Variants in GALNT10 observed in about 807,000 individuals in gnomAD.
The protein encoded by GALNT10 is polypeptide N-acetylgalactosaminyltransferase 10.
A neutral mutation model predicts 75.0 loss-of-function variants in GALNT10; 41 were observed. That is an observed-to-expected ratio of 0.55 (90% CI 0.43 to 0.71). GALNT10 has a LOEUF of 0.71. Ranked by LOEUF, GALNT10 falls within the 30% of genes least tolerant of loss-of-function variation. The probability of loss-of-function intolerance (pLI) is 0.00; values close to 1 mark genes in which losing one functional copy is unlikely to be tolerated. For synonymous variants in GALNT10, 302 were observed against 313.0 expected (o/e 0.96, Z 0.37); for missense variants, 727 against 818.5 (o/e 0.89, Z 1.36).
chr5:154,279,353 G>C lies in GALNT10; in HGVS notation c.160-15463G>C, dbSNP rs34530015. On this transcript the variant is annotated intron_variant, in intron 1 of 11. Coordinates refer to ENST00000297107, the MANE Select transcript of GALNT10 (RefSeq NM_198321.4). ...AGCTTTGCTCTTGTTGCCCAGGCTG[G>C]AGTACAATGGCACGATCTCGGCTCA... Among the ~76,000 whole-genome samples the C allele has an allele frequency of 1.1e-4, 16 of 148,928 alleles. 1 individual carries two copies. Among genetic ancestry groups the C allele is most frequent in the Admixed American group, 8.6e-4 (13 of 15,030 alleles).
At chr5:154,255,904 T>C (rs1041157114) in intron 1 of GALNT10, among the ~76,000 whole-genome samples, 1 of 147,910 alleles carries the variant, frequency 6.8e-6, no homozygotes, top group Non-Finnish European at 1.5e-5. Context: ...TCTCTTCTTC[T>C]AAATAACAGT....
chr5:154,313,834 A>G (rs140402182), intron 3 of GALNT10, among the ~76,000 whole-genome samples: 48 of 152,218 alleles, frequency 3.2e-4, no homozygotes, highest in African/African-American at 1.2e-3. Context: ...CTGCAGCTCG[A>G]GGGAGGATGG....
Position 154,376,315 on chromosome 5 carries a change from T to C in GALNT10, c.607T>C (p.Phe203Leu). ...KKPLEDYMALFPSVRILRTKK... is the reference protein window; with the variant it reads ...KKPLEDYMALLPSVRILRTKK... ...GCCTCTTGAAGACTACATGGCCCTTTTCCCCAGTGTGAGGATTCTTCGAAC... is the reference window on the plus strand; with the variant it reads ...GCCTCTTGAAGACTACATGGCCCTTCTCCCCAGTGTGAGGATTCTTCGAAC... The change falls in exon 5 of 12, where the codon TTC becomes CTC. Residue 203 changes from phenylalanine to leucine, a missense_variant. Phe to Leu is a conservative substitution (Grantham distance 22). Transcript: ENST00000297107. The surrounding 1 kb of genome is among the most constrained non-coding windows in gnomAD (Gnocchi z 4.1). 6.2e-7 allele frequency: 1 copy of C among 1,612,974 alleles called. No homozygotes were observed.
Position 154,416,055 on chromosome 5 carries a change from C to T in GALNT10, c.1653+123C>T. On this transcript the variant is annotated intron_variant, in intron 11 of 11. Transcript: ENST00000297107. The surrounding 1 kb of genome is among the most constrained non-coding windows in gnomAD (Gnocchi z 4.5). ...TCATTTGTGCCACAAACCTACCATG[C>T]CGGATTTTGTAGTCATTCAAGAGTA... 5 of 879,712 alleles carry T rather than the reference C, an allele frequency of 5.7e-6. No individual in the cohort carries two copies. Among genetic ancestry groups the T allele is most frequent in the Non-Finnish European group, 8.7e-6 (5 of 575,686 alleles). The allele number at this position is 879,712 out of a possible 1,614,324, so 54.5% of individuals were successfully genotyped here. A position where few individuals can be genotyped will look rare whatever the true frequency, so the allele number is the denominator to read the frequency against.
At chr5:154,413,096 T>C in intron 10 of GALNT10, 91 bp downstream of exon 10, 2 of 786,838 alleles carry the variant, frequency 2.5e-6, no homozygotes, top group South Asian at 2.9e-5. Flanking sequence ...GGGAGAGGCA[T>C]GGGTCAGTGA....
rs754240894 is a variant in GALNT10 at position 154,412,971 on chromosome 5, G to A, written c.1469G>A (p.Arg490Gln). ...CCACTAAGGCTAGAGGGCTGCGTCC[G>A]AGGCCGTGGGGAGGCTGCCTGGAAC... ...GSPLRLEGCV[R>Q]GRGEAAWNNM... The change falls in exon 10 of 12, where the codon CGA becomes CAA. Residue 490 changes from arginine (R) to glutamine (Q), a missense_variant. Coordinates refer to ENST00000297107, the MANE Select transcript of GALNT10 (RefSeq NM_198321.4). The surrounding 1 kb of genome is among the most constrained non-coding windows in gnomAD (Gnocchi z 4.2). 87 of 1,612,756 alleles carry A rather than the reference G, an allele frequency of 5.4e-5. No individual in the cohort carries two copies. Among genetic ancestry groups the A allele is most frequent in the Admixed American group, 4.2e-4 (25 of 59,966 alleles).
intron 1 of GALNT10, among the ~76,000 whole-genome samples, chr5:154,254,990 G>C (rs549643586): frequency 1.3e-5 from 2 of 152,008 alleles, no homozygotes; most frequent in Admixed American, 6.6e-5. Flanking sequence ...GAAGGGCATC[G>C]TTGTTGTTGT....
chr5:154,394,255 C>A (rs1349078563), intron 7 of GALNT10, among the ~76,000 whole-genome samples: 1 of 148,060 alleles, frequency 6.8e-6, no homozygotes, highest in East Asian at 2.1e-4. Flanking sequence ...CTGGGGTTCG[C>A]TTTGTGTGAT....
intron 1 of GALNT10, among the ~76,000 whole-genome samples, chr5:154,251,274 T>C (rs539934824): frequency 6.6e-6 from 1 of 152,260 alleles, no homozygotes; most frequent in Admixed American, 6.5e-5. Flanking sequence ...AATGGACTTA[T>C]CACCCGAATG....
chr5:154,398,695 T>C (rs1397626729), intron 7 of GALNT10, among the ~76,000 whole-genome samples: 1 of 152,166 alleles, frequency 6.6e-6, no homozygotes, highest in African/African-American at 2.4e-5. Context: ...AAGAGCACTT[T>C]TGCACAGAAT....
At chr5:154,244,665 G>A (rs1256357837) in intron 1 of GALNT10, among the ~76,000 whole-genome samples, 4 of 152,162 alleles carry the variant, frequency 2.6e-5, no homozygotes, top group Non-Finnish European at 5.9e-5. Flanking sequence ...TGGCAGATGT[G>A]AAAACACGTG....
chr5:154,391,397 CAA>C (rs1010913290), intron 7 of GALNT10, among the ~76,000 whole-genome samples: 6 of 152,174 alleles, frequency 3.9e-5, no homozygotes, highest in Non-Finnish European at 1.5e-5. Flanking sequence ...AGAAAATCCC[CAA>C]AAAGTGTCCC....
chr5:154,195,269 G>A (rs549866926), intron 1 of GALNT10, among the ~76,000 whole-genome samples: 4 of 152,304 alleles, frequency 2.6e-5, no homozygotes, highest in East Asian at 1.9e-4. Flanking sequence ...TGCTCCTGAC[G>A]GTGTTTGCAG....
chr5:154,273,946 A>G (rs1040051954), intron 1 of GALNT10, among the ~76,000 whole-genome samples: 1 of 152,190 alleles, frequency 6.6e-6, no homozygotes, highest in Non-Finnish European at 1.5e-5. Flanking sequence ...CTGCATCTCC[A>G]GAGATCCATT....
chr5:154,229,184 G>A (rs914382907), intron 1 of GALNT10, among the ~76,000 whole-genome samples: 3 of 152,158 alleles, frequency 2.0e-5, no homozygotes, highest in Admixed American at 1.3e-4. Context: ...TATATTGGTC[G>A]TCTGTACATT....
chr5:154,407,882 C>A (rs1386401738), intron 8 of GALNT10, among the ~76,000 whole-genome samples: 3 of 152,190 alleles, frequency 2.0e-5, no homozygotes, highest in East Asian at 3.8e-4. Context: ...GTCCCCAACT[C>A]AGAGCCAGCA....
intron 1 of GALNT10, among the ~76,000 whole-genome samples, chr5:154,236,831 G>A (rs1402985628): frequency 6.6e-6 from 1 of 152,204 alleles, no homozygotes; most frequent in East Asian, 1.9e-4. Context: ...TGATGGATGG[G>A]GCTGCACAGG....
Position 154,190,855 on chromosome 5 carries a change from T to G in GALNT10, c.-12T>G. 8.0e-7 allele frequency: 1 copy of G among 1,257,196 alleles called. No homozygotes were observed. The highest frequency in any genetic ancestry group is 1.0e-6 in the Non-Finnish European group (1 of 993,200). The allele number at this position is 1,257,196 out of a possible 1,614,324, so 77.9% of individuals were successfully genotyped here. On this transcript the variant is annotated 5_prime_UTR_variant, in exon 1 of 12. Coordinates refer to ENST00000297107, the MANE Select transcript of GALNT10 (RefSeq NM_198321.4). ...CGGGGCCGGCGGGGCGCGGCGGGGC[T>G]GACCGGCCCCGATGAGGCGGAAGGA...
At chr5:154,374,835 C>T (rs1049062216) in intron 4 of GALNT10, among the ~76,000 whole-genome samples, 3 of 152,184 alleles carry the variant, frequency 2.0e-5, no homozygotes, top group Non-Finnish European at 2.9e-5. Flanking sequence ...AGACTTTAAG[C>T]TCATAGTTGT....
Sources: gnomAD v4.1 joint callset for allele counts (sites outside exome capture counted in the v4.1 genomes callset) on GRCh38, gnomAD v4.1.1 for gene constraint, Gnocchi (gnomAD v3.1) non-coding constraint, MANE v1.5 for transcripts, NCBI Gene and HGNC (gene_info 2026-07-23, HGNC 2026-07-21) for gene names.